Variants in NR6A1 observed in about 807,000 individuals in gnomAD.
The protein encoded by NR6A1 is nuclear receptor subfamily 6 group A member 1.
Under a neutral mutation model 59.1 loss-of-function variants are expected in NR6A1, and 7 were observed. The observed-to-expected ratio is 0.12, with a 90% CI of 0.07 to 0.22. The LOEUF is 0.22. Among genes scored for constraint, NR6A1 ranks in the 10% least tolerant of loss-of-function variants. The pLI is 1.00. For missense variants in NR6A1, 468 were observed against 611.6 expected (o/e 0.77, Z 2.48); for synonymous variants, 243 against 236.1 (o/e 1.03, Z -0.27).
intron 2 of NR6A1, among the ~76,000 whole-genome samples, chr9:124,618,371 T>C (rs1214158830): frequency 6.6e-6 from 1 of 152,050 alleles, no homozygotes; most frequent in African/African-American, 2.4e-5. Context: ...TAATCCCAGC[T>C]ACTCAGGAGG....
chr9:124,757,949 A>G (rs1000406800), intron 1 of NR6A1, among the ~76,000 whole-genome samples: 3 of 152,238 alleles, frequency 2.0e-5, no homozygotes, highest in African/African-American at 7.2e-5. Flanking sequence ...CTGTACGAAA[A>G]GCAAACTTAT....
At chr9:124,564,227 T>C (rs1268707550) in intron 2 of NR6A1, among the ~76,000 whole-genome samples, 1 of 152,172 alleles carries the variant, frequency 6.6e-6, no homozygotes, top group Non-Finnish European at 1.5e-5. Flanking sequence ...TGATAAAGGC[T>C]ATCTGAAGAA....
At chr9:124,658,776 G>T (rs896840871) in intron 2 of NR6A1, 7 of 151,858 alleles carry the variant, frequency 4.6e-5, no homozygotes, top group African/African-American at 1.7e-4. Flanking sequence ...TTAACTAAAA[G>T]CCATTTTAAA....
chr9:124,643,096 T>C, intron 2 of NR6A1, among the ~76,000 whole-genome samples: 1 of 18,120 alleles, frequency 5.5e-5, no homozygotes, highest in East Asian at 2.9e-3. Flanking sequence ...TATAAAGCCC[T>C]CGGGTGGGGG....
chr9:124,536,452 A>G (rs1314944620), intron 6 of NR6A1, among the ~76,000 whole-genome samples: 1 of 152,138 alleles, frequency 6.6e-6, no homozygotes, highest in African/African-American at 2.4e-5. Flanking sequence ...TGAGTTCAGG[A>G]GTTCGAGACC....
At chr9:124,688,234 A>G (rs1838407453) in intron 2 of NR6A1, among the ~76,000 whole-genome samples, 1 of 152,008 alleles carries the variant, frequency 6.6e-6, no homozygotes, top group Non-Finnish European at 1.5e-5. Context: ...CTGAGGCGGG[A>G]GGATTACTTG....
At chr9:124,765,715 C>T (rs2131206656) in intron 1 of NR6A1, among the ~76,000 whole-genome samples, 1 of 152,266 alleles carries the variant, frequency 6.6e-6, no homozygotes, top group African/African-American at 2.4e-5. Flanking sequence ...CCGGGTTACA[C>T]TAGTAAAGTC....
At chr9:124,695,651 T>A (rs1838728796) in intron 2 of NR6A1, among the ~76,000 whole-genome samples, 1 of 152,176 alleles carries the variant, frequency 6.6e-6, no homozygotes, top group African/African-American at 2.4e-5. Context: ...ATTATAGGCA[T>A]GAGTCACCGC....
chr9:124,592,030 C>T (rs998113240), intron 2 of NR6A1, among the ~76,000 whole-genome samples: 16 of 152,126 alleles, frequency 1.1e-4, no homozygotes, highest in African/African-American at 3.4e-4. Flanking sequence ...CAGAAAAAAA[C>T]GAATGATGTG....
chr9:124,637,978 C>G (rs1836663532), intron 2 of NR6A1, among the ~76,000 whole-genome samples: 1 of 151,424 alleles, frequency 6.6e-6, no homozygotes, highest in African/African-American at 2.4e-5. Flanking sequence ...CGCATGATAG[C>G]TCATGCTTGT....
intron 2 of NR6A1, among the ~76,000 whole-genome samples, chr9:124,659,231 CCGTT>C (rs1837350147): frequency 6.6e-6 from 1 of 151,896 alleles, no homozygotes; most frequent in South Asian, 2.1e-4. Context: ...ACAGTCCTGG[CCGTT>C]CGATAGGCCA....
chr9:124,770,579 G>A (rs957418337), intron 1 of NR6A1, among the ~76,000 whole-genome samples: 3 of 150,270 alleles, frequency 2.0e-5, no homozygotes, highest in African/African-American at 7.4e-5. Context: ...CCCGAGTGAG[G>A]GGATGCCCCC....
chr9:124,589,714 T>C (rs1835052809), intron 2 of NR6A1, among the ~76,000 whole-genome samples: 1 of 152,166 alleles, frequency 6.6e-6, no homozygotes, highest in South Asian at 2.1e-4. Context: ...TTATTTAATA[T>C]ACCATAAATA....
chr9:124,748,262 G>A (rs1840391335), intron 1 of NR6A1, among the ~76,000 whole-genome samples: 3 of 152,026 alleles, frequency 2.0e-5, no homozygotes, highest in Admixed American at 6.6e-5. Context: ...AATTTTCTTA[G>A]CATCATTTTT....
chr9:124,610,372 C>T (rs1835703765), intron 2 of NR6A1, among the ~76,000 whole-genome samples: 1 of 152,052 alleles, frequency 6.6e-6, no homozygotes, highest in East Asian at 1.9e-4. Flanking sequence ...TGGTTTCTGT[C>T]TTTAGTTTTG....
At chr9:124,647,809 A>T (rs1836982401) in intron 2 of NR6A1, among the ~76,000 whole-genome samples, 1 of 152,034 alleles carries the variant, frequency 6.6e-6, no homozygotes, top group Non-Finnish European at 1.5e-5. Flanking sequence ...AGCAAGAAAG[A>T]GGCAGTAATA....
intron 1 of NR6A1, among the ~76,000 whole-genome samples, chr9:124,745,693 T>C (rs1840309664): frequency 8.0e-6 from 1 of 124,984 alleles, no homozygotes. Context: ...AAAAAAATCC[T>C]AAGAACAGGC....
intron 2 of NR6A1, among the ~76,000 whole-genome samples, chr9:124,683,307 G>C (rs1301840432): frequency 6.6e-6 from 1 of 152,158 alleles, no homozygotes; most frequent in East Asian, 1.9e-4. Context: ...TGGATCTCCT[G>C]ACTTCAATTT....
chr9:124,562,545 C>G (rs1371740620), intron 2 of NR6A1, among the ~76,000 whole-genome samples: 1 of 152,132 alleles, frequency 6.6e-6, no homozygotes, highest in African/African-American at 2.4e-5. Flanking sequence ...ACCCTCACGC[C>G]TCGCCTCCCG....
Sources: allele counts gnomAD v4.1 joint callset (sites outside exome capture counted in the v4.1 genomes callset), GRCh38; gene constraint gnomAD v4.1.1; transcripts MANE v1.5; gene names NCBI Gene and HGNC (gene_info 2026-07-23, HGNC 2026-07-21).